Variants in PCLO observed in about 807,000 individuals in gnomAD.
PCLO encodes the protein protein piccolo.
A neutral mutation model predicts 427.5 loss-of-function variants in PCLO; 82 were observed. That is an observed-to-expected ratio of 0.19 (90% confidence interval 0.16 to 0.23). The LOEUF (loss-of-function observed/expected upper bound fraction) is 0.23. PCLO is among the 10% of genes least tolerant of loss of function. The pLI is 1.00. For missense variants in PCLO, 6,239 were observed against 6,115.9 expected (o/e 1.02, Z -0.67); for synonymous variants, 2,357 against 2,155.4 (o/e 1.09, Z -2.59).
intron 2 of PCLO, among the ~76,000 whole-genome samples, chr7:83,150,826 T>C (rs1393274512): frequency 3.3e-5 from 5 of 152,176 alleles, no homozygotes; most frequent in East Asian, 3.8e-4. Context: ...AAATAATAAA[T>C]TCACATAATT....
chr7:82,919,425 T>A (rs1794545116), intron 6 of PCLO, among the ~76,000 whole-genome samples: 1 of 152,038 alleles, frequency 6.6e-6, no homozygotes, highest in South Asian at 2.1e-4. Flanking sequence ...ATTGCTGCCA[T>A]GAAGAAATAG....
intron 10 of PCLO, among the ~76,000 whole-genome samples, chr7:82,876,455 T>C (rs865876918): frequency 1.6e-4 from 23 of 143,212 alleles, no homozygotes; most frequent in East Asian, 2.1e-4. Context: ...AAAACAAGTA[T>C]ACACACACAC....
At chr7:83,038,316 G>C (rs969471928) in intron 3 of PCLO, among the ~76,000 whole-genome samples, 2 of 150,210 alleles carry the variant, frequency 1.3e-5, no homozygotes, top group South Asian at 4.2e-4. Context: ...GTCAACTTTA[G>C]AATTATTTTT....
At chr7:83,041,053 T>C (rs1180560235) in intron 3 of PCLO, among the ~76,000 whole-genome samples, 1 of 152,336 alleles carries the variant, frequency 6.6e-6, no homozygotes, top group East Asian at 1.9e-4. Flanking sequence ...CATAATTATT[T>C]TGTCTTTTAA....
chr7:83,160,552 T>A (rs1319020040), intron 1 of PCLO, among the ~76,000 whole-genome samples: 1 of 142,118 alleles, frequency 7.0e-6, no homozygotes, highest in Non-Finnish European at 1.6e-5. Context: ...AAATTATTAT[T>A]TATTTTTTAG....
chr7:83,092,389 G>A (rs1270628582), intron 3 of PCLO, among the ~76,000 whole-genome samples: 2 of 118,710 alleles, frequency 1.7e-5, no homozygotes, highest in South Asian at 5.2e-4. Flanking sequence ...AAGACCCATG[G>A]ACCCGGCACA....
Position 82,956,558 on chromosome 7 carries a change from TTC to T in PCLO, c.4393_4394del (p.Glu1465ArgfsTer15), listed in dbSNP as rs750133683. The T allele has an allele frequency of 2.3e-5, 37 of 1,612,766 alleles. No individual in the cohort carries two copies. The African/African-American group carries it at 4.4e-4, about 19-fold the overall frequency. On this transcript the variant is annotated frameshift_variant, in exon 5 of 25. Transcript: ENST00000333891. LOFTEE classifies it high-confidence loss of function. The stretch of plus-strand genomic sequence containing the variant: ...CTTCTTGACTCTCTTTGATCTCCTC[TTC>T]TGAAATAGTAATTTCCAAGGTTTCA... ...LSETLEITIS[E>X]EEIKESQEER...
At position 83,155,301 on chromosome 7, in the gene PCLO, C is replaced by T; in HGVS notation, c.1340G>A (p.Gly447Glu). The T allele has an allele frequency of 3.1e-6, 5 of 1,613,822 alleles. No homozygotes were observed. Among genetic ancestry groups the T allele is most frequent in the Non-Finnish European group, 4.2e-6 (5 of 1,179,860 alleles). ...TKTPVQQPGPGKIPAQQAGPG... is the reference protein window; with the variant it reads ...TKTPVQQPGPEKIPAQQAGPG... The stretch of plus-strand genomic sequence containing the variant: ...TCCTGCCTGTTGAGCTGGAATCTTT[C>T]CTGGCCCAGGCTGCTGAACTGGAGT... Residue 447 changes from glycine (G) to glutamate (E), a missense_variant, in exon 2 of 25, where the codon GGA (glycine) becomes GAA (glutamate). This residue lies in a region of PCLO where 4,677 missense variants were observed against 4,468.4 expected (regional missense o/e 1.05). Coordinates refer to ENST00000333891, the MANE Select transcript of PCLO (RefSeq NM_033026.6).
chr7:83,146,171 G>A (rs1192529957), intron 2 of PCLO, among the ~76,000 whole-genome samples: 1 of 152,086 alleles, frequency 6.6e-6, no homozygotes. Flanking sequence ...GTAAGATAAA[G>A]ACAAGAAACA....
In PCLO at chr7:82,916,220, A is replaced by G; in HGVS notation, c.11766T>C (p.Tyr3922=). The G allele has an allele frequency of 2.5e-6, 4 of 1,613,686 alleles. No homozygotes were observed. The highest frequency in any genetic ancestry group is 1.7e-4 in the Middle Eastern group (1 of 6,058). Residue 3922 remains tyrosine (Y), a synonymous_variant, in exon 7 of 25, where the codon TAT becomes TAC. Coordinates refer to ENST00000333891, the MANE Select transcript of PCLO (RefSeq NM_033026.6). ...CAGCTTGGAATGTTGGCTGAGTCTG[A>G]TAAGGTGAAACTTGCTGATGGTACA... ...QTLYHQQVSP[Y]QTQPTFQAVA...
chr7:82,870,851 TCACTAGTCATCAGGGAAATCCAAATTAA>T (rs1562828829), intron 10 of PCLO, among the ~76,000 whole-genome samples: 1 of 151,974 alleles, frequency 6.6e-6, no homozygotes, highest in Non-Finnish European at 1.5e-5. Context: ...ATGCTCAATA[TCACTAGTCATCAGGGAAATCCAAATTAA>T]AACCACAGTG....
intron 3 of PCLO, among the ~76,000 whole-genome samples, chr7:83,117,181 C>T (rs1791155827): frequency 6.6e-6 from 1 of 152,114 alleles, no homozygotes; most frequent in South Asian, 2.1e-4. Flanking sequence ...GCATATCATT[C>T]ATTTTCCTGA....
At chr7:82,787,250 T>C (rs554454797) in intron 22 of PCLO, among the ~76,000 whole-genome samples, 81 of 152,154 alleles carry the variant, frequency 5.3e-4, no homozygotes, top group African/African-American at 1.9e-3. Flanking sequence ...CAGCATCTGT[T>C]GTTTCCTGAC....
chr7:82,828,165 T>C (rs532720762), intron 16 of PCLO, among the ~76,000 whole-genome samples, 199 bp from the exon 17 acceptor site: 169 of 134,304 alleles, frequency 1.3e-3, no homozygotes, highest in African/African-American at 4.6e-3. Context: ...ATGCTTGTAG[T>C]TTTCTTTGCC....
Position 82,916,838 on chromosome 7 carries a change from G to T in PCLO, c.11148C>A (p.Ala3716=), listed in dbSNP as rs765620465. ...KGSQTMTSSG[A]QKKVKRTLPN... Reference sequence around the variant, plus strand: ...GCAGAGTTCTTTTAACTTTTTTCTGGGCTCCAGAGGATGTCATGGTTTGAG... The same window carrying T: ...GCAGAGTTCTTTTAACTTTTTTCTGTGCTCCAGAGGATGTCATGGTTTGAG... Residue 3716 remains alanine (A), a synonymous_variant, in exon 7 of 25, where the codon GCC becomes GCA. Coordinates refer to ENST00000333891, the MANE Select transcript of PCLO (RefSeq NM_033026.6). 31 of 1,612,996 alleles carry T rather than the reference G, an allele frequency of 1.9e-5. No individual in the cohort carries two copies. Among genetic ancestry groups the T allele is most frequent in the Non-Finnish European group, 2.4e-5 (28 of 1,179,408 alleles).
intron 3 of PCLO, among the ~76,000 whole-genome samples, chr7:83,016,464 G>A (rs759715456): frequency 6.6e-6 from 1 of 152,042 alleles, no homozygotes; most frequent in Non-Finnish European, 1.5e-5. Context: ...AGGAATCAAC[G>A]CTAAGAAACA....
At chr7:83,137,614 G>T (rs1361232746) in intron 2 of PCLO, among the ~76,000 whole-genome samples, 2 of 151,312 alleles carry the variant, frequency 1.3e-5, no homozygotes, top group Non-Finnish European at 2.9e-5. Flanking sequence ...GTATTTTTTA[G>T]TAGAGACAGG....
chr7:83,156,311 G>A lies in PCLO; in HGVS notation c.330C>T (p.Leu110=), dbSNP rs771152001. 5 of 1,613,118 alleles carry A rather than the reference G, an allele frequency of 3.1e-6. No homozygotes were observed. Among genetic ancestry groups the A allele is most frequent in the Non-Finnish European group, 3.4e-6 (4 of 1,179,650 alleles). ...AAGTGTCTGTAGTTCTACTTTTACT[G>A]AGACCAGGTTGAGCTGGACGCCCAG... ...PDPGRPAQPG[L]SKSRTTDTFR... is the part of the protein sequence containing the mutation. The change falls in exon 2 of 25, where the codon CTC becomes CTT. Residue 110 remains leucine (L), a synonymous_variant. Coordinates refer to ENST00000333891, the MANE Select transcript of PCLO (RefSeq NM_033026.6).
chr7:82,906,237 T>C (rs1263026033), intron 8 of PCLO, among the ~76,000 whole-genome samples: 1 of 152,086 alleles, frequency 6.6e-6, no homozygotes, highest in Non-Finnish European at 1.5e-5. Context: ...TAAAAGCAGA[T>C]AAATTAGTGT....
Sources: gnomAD v4.1 joint callset for allele counts (sites outside exome capture counted in the v4.1 genomes callset) on GRCh38, gnomAD v4.1.1 for gene constraint, gnomAD v4.1.1 regional missense constraint, MANE v1.5 for transcripts, NCBI Gene and HGNC (gene_info 2026-07-23, HGNC 2026-07-21) for gene names.